NUDT9: variants seen among roughly 807,000 people sequenced by gnomAD.
The protein encoded by NUDT9 is ADP-ribose pyrophosphatase.
A neutral mutation model predicts 41.0 loss-of-function variants in NUDT9; 31 were observed. That is an observed-to-expected ratio of 0.76 (90% CI 0.57 to 1.02). The LOEUF is 1.02. NUDT9 is among the 50% of genes least tolerant of loss of function. The pLI is 0.00. For synonymous variants in NUDT9, 146 were observed against 147.6 expected, an observed-to-expected ratio of 0.99 and a Z score of 0.08; for missense variants, 380 against 431.4, an observed-to-expected ratio of 0.88 and a Z score of 1.06.
intron 7 of NUDT9, among the ~76,000 whole-genome samples, chr4:87,455,030 TA>T (rs1383563189): frequency 1.3e-5 from 2 of 152,244 alleles, no homozygotes; most frequent in Non-Finnish European, 2.9e-5. Context: ...AATTTGGTCT[TA>T]ATGTACACAT....
At chr4:87,438,484 A>G (rs575790713) in intron 3 of NUDT9, 112 bp downstream of exon 3, 1 of 570,850 alleles carries the variant, frequency 1.8e-6, no homozygotes, top group African/African-American at 1.9e-5. Flanking sequence ...ATTTATTTAC[A>G]TATGTGATGT....
chr4:87,446,294 G>T (rs190463706), intron 4 of NUDT9, among the ~76,000 whole-genome samples: 32 of 140,448 alleles, frequency 2.3e-4, no homozygotes, highest in Non-Finnish European at 4.1e-4. Context: ...TGTCGCCCAG[G>T]CTGGAGTGTA....
At chr4:87,448,138 ATTTTTTTTTT>A (rs1213818782) in intron 4 of NUDT9, among the ~76,000 whole-genome samples, 1 of 92,384 alleles carries the variant, frequency 1.1e-5, no homozygotes, top group South Asian at 3.4e-4. Flanking sequence ...TTAAAAGCAA[ATTTTTTTTTT>A]TTTTTTTTTT....
intron 2 of NUDT9, 53 bp downstream of exon 2, chr4:87,435,273 G>T: frequency 2.6e-6 from 4 of 1,530,612 alleles, no homozygotes; most frequent in South Asian, 1.3e-5. Context: ...AGAAGGTAAT[G>T]GTTTTATTTG....
intron 1 of NUDT9, 99 bp from the exon 2 acceptor site, chr4:87,434,882 G>T: frequency 2.8e-6 from 3 of 1,053,490 alleles, no homozygotes; most frequent in Non-Finnish European, 4.1e-6. Flanking sequence ...GCCTCACAAA[G>T]TGCTGGGATT....
At chr4:87,429,348 C>T (rs916440858) in intron 1 of NUDT9, among the ~76,000 whole-genome samples, 1 of 152,070 alleles carries the variant, frequency 6.6e-6, no homozygotes, top group Non-Finnish European at 1.5e-5. Flanking sequence ...AGATAAGGGT[C>T]TCACTGTCTC....
Position 87,454,366 on chromosome 4 carries a change from A to G in NUDT9, c.790-5A>G, listed in dbSNP as rs1277579330. 1 of 1,591,512 alleles carries G rather than the reference A, an allele frequency of 6.3e-7. No homozygotes were observed. Among genetic ancestry groups the G allele is most frequent in the Non-Finnish European group, 8.6e-7 (1 of 1,159,570 alleles). Reference sequence around the variant, plus strand: ...TTTAAAAAATTTGTCTTCTTTTGAAAATAGATATATAAGGGATATGTTGAT... The same window carrying G: ...TTTAAAAAATTTGTCTTCTTTTGAAGATAGATATATAAGGGATATGTTGAT... On this transcript the variant is annotated splice_polypyrimidine_tract_variant and splice_region_variant and intron_variant, in intron 6 of 7. Coordinates refer to ENST00000302174, the MANE Select transcript of NUDT9 (RefSeq NM_024047.5).
chr4:87,423,035 G>T, intron 1 of NUDT9, 23 bp downstream of exon 1: 2 of 1,589,384 alleles, frequency 1.3e-6, no homozygotes. Flanking sequence ...CCTACTACCG[G>T]CTCCTTTGCC....
chr4:87,450,311 A>G (rs1406061856), intron 5 of NUDT9, among the ~76,000 whole-genome samples: 1 of 152,150 alleles, frequency 6.6e-6, no homozygotes, highest in Admixed American at 6.5e-5. Flanking sequence ...GTGTAGAATA[A>G]AAATGAGTGG....
intron 1 of NUDT9, chr4:87,434,394 A>G (rs71607435): frequency 0.097 from 14,393 of 148,686 alleles, 1,000 homozygotes; most frequent in East Asian, 0.3. Context: ...CCCTTCCACA[A>G]CAGATAACAC....
intron 2 of NUDT9, 28 bp from the exon 3 acceptor site, chr4:87,438,248 CT>C: frequency 8.3e-7 from 1 of 1,198,852 alleles, no homozygotes. Flanking sequence ...ATCATTATTT[CT>C]TATTTTACAT....
In NUDT9 at chr4:87,422,840, G is replaced by A; in HGVS notation, c.-66G>A. 1 of 1,261,736 alleles carries A rather than the reference G, an allele frequency of 7.9e-7. No homozygotes were observed. Among genetic ancestry groups the A allele is most frequent in the South Asian group, 1.2e-5 (1 of 81,052 alleles). The allele number at this position is 1,261,736 out of a possible 1,614,324, so 78.2% of individuals were successfully genotyped here. ...CCGCGGCCGGGACTCGGAGCTGTGGGGTGTGGGGAGGCGGAGGCACCAACT... is the reference window on the plus strand; with the variant it reads ...CCGCGGCCGGGACTCGGAGCTGTGGAGTGTGGGGAGGCGGAGGCACCAACT... On this transcript the variant is annotated 5_prime_UTR_variant, in exon 1 of 8. Coordinates refer to ENST00000302174, the MANE Select transcript of NUDT9 (RefSeq NM_024047.5).
Position 87,449,260 on chromosome 4 carries a change from A to G in NUDT9, c.642+7A>G, listed in dbSNP as rs1341686925. ...AGAATGGGCAATCCCAGGGGTAAGC[A>G]TTAAAATTAAATTAGTGTTTAAGTT... On this transcript the variant is annotated splice_region_variant and intron_variant, in intron 5 of 7. Transcript: ENST00000302174. The G allele has an allele frequency of 1.4e-6, 2 of 1,434,054 alleles. No individual in the cohort carries two copies. The highest frequency in any genetic ancestry group is 2.0e-6 in the Non-Finnish European group (2 of 1,016,706). 88.8% of individuals were successfully genotyped at this position (1,434,054 alleles called of 1,614,324 possible). A position where few individuals can be genotyped will look rare whatever the true frequency, so the allele number is the denominator to read the frequency against.
In NUDT9 at chr4:87,454,450, A is replaced by G; in HGVS notation, c.869A>G (p.Glu290Gly). The G allele has an allele frequency of 1.3e-6, 2 of 1,597,922 alleles. 1 individual carries two copies. The highest frequency in any genetic ancestry group is 2.2e-5 in the South Asian group (2 of 90,748). The change falls in exon 7 of 8, where the codon GAA becomes GGA. Residue 290 changes from glutamate to glycine, a missense_variant. Glu to Gly is a moderately conservative substitution (Grantham distance 98). Coordinates refer to ENST00000302174, the MANE Select transcript of NUDT9 (RefSeq NM_024047.5). ...METEAVNYHD[E>G]TGEIMDNLML... The stretch of plus-strand genomic sequence containing the variant: ...ACAGAAGCTGTGAACTACCATGACG[A>G]AACAGGTAACTTTATATTTATTAAA...
rs189212257 is a variant in NUDT9 at position 87,435,215 on chromosome 4, G to A, written c.342G>A (p.Gln114=). The change falls in exon 2 of 8, where the codon CAG becomes CAA. Residue 114 remains glutamine, a synonymous_variant. Coordinates refer to ENST00000302174, the MANE Select transcript of NUDT9 (RefSeq NM_024047.5). The stretch of plus-strand genomic sequence containing the variant: ...CTGGACCCAGGTGGGCAGATCCTCA[G>A]ATCAGGTGAGCAAATAAGACAGCGT... ...VLAGPRWADP[Q]ISESNFSPKF... 4.1e-5 allele frequency: 66 copies of A among 1,610,012 alleles called. 1 individual carries two copies. In the East Asian group the frequency reaches 1.4e-3, roughly 34 times the overall value.
intron 4 of NUDT9, among the ~76,000 whole-genome samples, chr4:87,446,317 C>T (rs10035024): frequency 0.23 from 32,837 of 145,534 alleles, 4,259 homozygotes; most frequent in Admixed American, 0.31. Flanking sequence ...GGTGCTATCT[C>T]GGCTCACTGC....
intron 5 of NUDT9, 31 bp from the exon 6 acceptor site, chr4:87,451,558 C>CT: frequency 6.3e-7 from 1 of 1,590,934 alleles, no homozygotes. Context: ...AAGCTGATCC[C>CT]TTTTTTCAAA....
intron 6 of NUDT9, among the ~76,000 whole-genome samples, chr4:87,452,628 T>G (rs1165374133): frequency 2.0e-5 from 3 of 151,538 alleles, no homozygotes; most frequent in Non-Finnish European, 4.4e-5. Flanking sequence ...TTTTTTGTTT[T>G]TTGTTTTATA....
At chr4:87,428,093 G>A (rs993552908) in intron 1 of NUDT9, among the ~76,000 whole-genome samples, 2 of 152,120 alleles carry the variant, frequency 1.3e-5, no homozygotes, top group African/African-American at 4.8e-5. Flanking sequence ...ACTCGCTCAC[G>A]TTACACTAGT....
Sources: allele counts gnomAD v4.1 joint callset (sites outside exome capture counted in the v4.1 genomes callset), GRCh38; gene constraint gnomAD v4.1.1; transcripts MANE v1.5; gene names NCBI Gene and HGNC (gene_info 2026-07-23, HGNC 2026-07-21).